CSMD1: variants seen among roughly 807,000 people sequenced by gnomAD.
The protein encoded by CSMD1 is CUB and Sushi multiple domains 1.
A neutral mutation model predicts 417.5 loss-of-function variants in CSMD1; 213 were observed. That is an observed-to-expected ratio of 0.51 (90% confidence interval 0.46 to 0.57). CSMD1 has a LOEUF of 0.57. Among genes scored for constraint, CSMD1 ranks in the 20% least tolerant of loss-of-function variants. The pLI, the probability that CSMD1 is intolerant of heterozygous loss-of-function variation, is 0.00. For synonymous variants in CSMD1, 2,862 were observed against 1,736.8 expected (o/e 1.65, Z -16.11); for missense variants, 6,923 against 4,529.7 (o/e 1.53, Z -15.17).
intron 2 of CSMD1, among the ~76,000 whole-genome samples, chr8:4,591,544 C>A (rs1392321177): frequency 6.6e-6 from 1 of 152,122 alleles, no homozygotes; most frequent in Non-Finnish European, 1.5e-5. Context: ...GTGAAGGACA[C>A]AGAGAGGACT....
At chr8:3,807,323 G>C (rs765726640) in intron 5 of CSMD1, among the ~76,000 whole-genome samples, 5 of 152,120 alleles carry the variant, frequency 3.3e-5, no homozygotes, top group African/African-American at 9.7e-5. Flanking sequence ...ATCTGGTTTT[G>C]TACTTGACAA....
chr8:3,161,734 C>T (rs1250306400), intron 38 of CSMD1, among the ~76,000 whole-genome samples: 1 of 151,352 alleles, frequency 6.6e-6, no homozygotes, highest in Non-Finnish European at 1.5e-5. Flanking sequence ...ATTTTGGTGC[C>T]TTATCTACCT....
At chr8:3,280,019 T>C (rs1330225468) in intron 26 of CSMD1, among the ~76,000 whole-genome samples, 1 of 152,174 alleles carries the variant, frequency 6.6e-6, no homozygotes, top group Non-Finnish European at 1.5e-5. Flanking sequence ...AGATGGTCAA[T>C]GCAGCAGCTT....
At chr8:3,873,027 T>C (rs76050132) in intron 5 of CSMD1, among the ~76,000 whole-genome samples, 1,976 of 152,030 alleles carry the variant, frequency 0.013, 36 homozygotes, top group African/African-American at 0.044. Context: ...TACTCAGAAT[T>C]GTTGTTATTA....
At position 3,813,244 on chromosome 8, in the gene CSMD1, CATT is replaced by C. The variant is rs140093940; in HGVS notation, c.819-59205_819-59203del. On this transcript the variant is annotated intron_variant, in intron 5 of 69. Coordinates refer to ENST00000635120, the MANE Select transcript of CSMD1 (RefSeq NM_033225.6). The stretch of plus-strand genomic sequence containing the variant: ...AAAGAGGGTGAAATTGTCCTGTCAT[CATT>C]AAGATAGCAATCAAATTGCTATCCA... 3.9e-3 allele frequency among the ~76,000 whole-genome samples: 596 copies of C among 152,114 alleles called. 19 individuals are homozygous for C. In the East Asian group the frequency reaches 0.087, roughly 22 times the overall value.
At chr8:3,290,032 G>T (rs1803433192) in intron 25 of CSMD1, among the ~76,000 whole-genome samples, 1 of 147,192 alleles carries the variant, frequency 6.8e-6, no homozygotes, top group Non-Finnish European at 1.5e-5. Flanking sequence ...TCCAGTTTCA[G>T]CTTTCTACAT....
intron 59 of CSMD1, among the ~76,000 whole-genome samples, chr8:2,963,599 G>A (rs1803690772): frequency 1.3e-5 from 2 of 152,040 alleles, no homozygotes; most frequent in African/African-American, 4.8e-5. Flanking sequence ...TAATATCGAT[G>A]AAGTCTATAA....
intron 3 of CSMD1, among the ~76,000 whole-genome samples, chr8:4,187,198 G>T (rs190055911): frequency 9.4e-4 from 143 of 152,232 alleles, no homozygotes; most frequent in African/African-American, 3.3e-3. Context: ...CTGGGACATT[G>T]TTGGATTCTG....
In CSMD1 at chr8:3,390,271, C is replaced by T. The variant is rs1811267744; in HGVS notation, c.2594-2589G>A. 2.2e-5 allele frequency among the ~76,000 whole-genome samples: 3 copies of T among 139,452 alleles called. No homozygotes were observed. The South Asian group carries it at 6.8e-4, about 32-fold the overall frequency. The allele number at this position is 139,452 out of a possible 152,430, so 91.5% of individuals were successfully genotyped here. On this transcript the variant is annotated intron_variant, in intron 17 of 69. Coordinates refer to ENST00000635120, the MANE Select transcript of CSMD1 (RefSeq NM_033225.6). ...TTGGGAGGCTGAGTCAGGAGAAACG[C>T]TTGAACTCAGGAGGCAGAGGATGCA...
intron 2 of CSMD1, among the ~76,000 whole-genome samples, chr8:4,523,417 T>C (rs1803586692): frequency 6.6e-6 from 1 of 152,324 alleles, no homozygotes; most frequent in South Asian, 2.1e-4. Flanking sequence ...ACTTTTGTAT[T>C]AAGTACACTG....
At chr8:3,957,646 T>C (rs1350090667) in intron 5 of CSMD1, among the ~76,000 whole-genome samples, 1 of 151,128 alleles carries the variant, frequency 6.6e-6, no homozygotes, top group Non-Finnish European at 1.5e-5. Context: ...GTCATGCCAC[T>C]GCACTCCAGC....
At chr8:4,145,128 A>T (rs1296496439) in intron 3 of CSMD1, among the ~76,000 whole-genome samples, 1 of 151,214 alleles carries the variant, frequency 6.6e-6, no homozygotes, top group Non-Finnish European at 1.5e-5. Flanking sequence ...TGGCGCAGAT[A>T]TAATAGTTTA....
At chr8:4,775,917 C>G (rs547040202) in intron 1 of CSMD1, among the ~76,000 whole-genome samples, 13 of 152,106 alleles carry the variant, frequency 8.5e-5, no homozygotes, top group Non-Finnish European at 1.2e-4. Flanking sequence ...AGTGGCACGC[C>G]GCAGCCATCC....
intron 43 of CSMD1, among the ~76,000 whole-genome samples, chr8:3,109,799 AAC>A: frequency 6.7e-6 from 1 of 149,064 alleles, no homozygotes; most frequent in East Asian, 1.9e-4. Flanking sequence ...CACACACACA[AAC>A]ACACACGTAA....
intron 3 of CSMD1, among the ~76,000 whole-genome samples, chr8:4,178,056 G>C (rs922898642): frequency 6.6e-6 from 1 of 152,108 alleles, no homozygotes; most frequent in Admixed American, 6.5e-5. Context: ...TAGAAAAAGA[G>C]GGCACCCTCA....
chr8:4,733,401 A>G (rs552735841), intron 1 of CSMD1, among the ~76,000 whole-genome samples: 7 of 152,348 alleles, frequency 4.6e-5, no homozygotes, highest in Admixed American at 1.3e-4. Flanking sequence ...CAGAATAACC[A>G]TATCTTGGAA....
intron 23 of CSMD1, among the ~76,000 whole-genome samples, chr8:3,312,433 A>ATGTC (rs1486354641): frequency 6.6e-6 from 1 of 152,134 alleles, no homozygotes; most frequent in Non-Finnish European, 1.5e-5. Context: ...GGCTTGTGTG[A>ATGTC]TGTCTTTTTA....
chr8:4,897,248 T>C (rs942036018), intron 1 of CSMD1, among the ~76,000 whole-genome samples: 3 of 152,094 alleles, frequency 2.0e-5, no homozygotes, highest in Admixed American at 2.0e-4. Context: ...GTCAAAATCC[T>C]TTCATCGTAT....
At chr8:4,630,562 T>G (rs1025720093) in intron 2 of CSMD1, among the ~76,000 whole-genome samples, 3 of 152,186 alleles carry the variant, frequency 2.0e-5, no homozygotes, top group African/African-American at 7.2e-5. Flanking sequence ...TTAAAGCATA[T>G]GTTGACAAGA....
Sources: gnomAD v4.1 joint callset for allele counts (sites outside exome capture counted in the v4.1 genomes callset) on GRCh38, gnomAD v4.1.1 for gene constraint, MANE v1.5 for transcripts, NCBI Gene and HGNC (gene_info 2026-07-23, HGNC 2026-07-21) for gene names.